The following UBE3D variants were observed in gnomAD, a reference collection of about 807,000 sequenced individuals.
UBE3D encodes the protein ubiquitin protein ligase E3D.
UBE3D carries 48 observed loss-of-function variants against 49.6 expected under a neutral mutation model. That is an observed-to-expected ratio of 0.97 (90% confidence interval 0.77 to 1.23). The LOEUF is 1.23. Among genes scored for constraint, UBE3D ranks in the 50% most tolerant of loss-of-function variants. The probability of loss-of-function intolerance (pLI) is 0.00; values close to 1 mark genes in which losing one functional copy is unlikely to be tolerated. For missense variants in UBE3D, 452 were observed against 468.4 expected (o/e 0.96, Z 0.32); for synonymous variants, 189 against 174.2 (o/e 1.08, Z -0.67).
At chr6:82,903,885 T>G (rs1481596825) in intron 9 of UBE3D, among the ~76,000 whole-genome samples, 1 of 152,146 alleles carries the variant, frequency 6.6e-6, no homozygotes, top group Non-Finnish European at 1.5e-5. Flanking sequence ...GAGGATGCTA[T>G]GTGATGTTTC....
intron 9 of UBE3D, among the ~76,000 whole-genome samples, chr6:82,939,378 C>T (rs293525): frequency 0.67 from 102,321 of 152,054 alleles, 34,922 homozygotes; most frequent in East Asian, 0.79. Context: ...CATACCACAT[C>T]GTCTATCGTG....
chr6:82,948,042 T>C (rs1775529398), intron 9 of UBE3D, among the ~76,000 whole-genome samples: 1 of 151,722 alleles, frequency 6.6e-6, no homozygotes, highest in African/African-American at 2.4e-5. Flanking sequence ...ATAAATGAAA[T>C]TGAAATGAAG....
At chr6:82,883,872 G>A in the UBE3D span, among the ~76,000 whole-genome samples, 1 of 152,238 alleles carries the variant, frequency 6.6e-6, no homozygotes, top group African/African-American at 2.4e-5. Flanking sequence ...TTAAATTTTA[G>A]TCCCAGGTTG....
At chr6:83,018,373 ACATCCTACTCC>A (rs1780841677) in intron 8 of UBE3D, 2 of 152,224 alleles carry the variant, frequency 1.3e-5, no homozygotes, top group South Asian at 4.1e-4. Flanking sequence ...ATATAAAATG[ACATCCTACTCC>A]CATCCTACCC....
chr6:82,903,597 T>TC (rs1477697347), intron 9 of UBE3D, among the ~76,000 whole-genome samples: 26 of 152,172 alleles, frequency 1.7e-4, no homozygotes, highest in African/African-American at 6.3e-4. Context: ...GGAATCAAAA[T>TC]GTAACCAGGT....
chr6:83,015,090 T>C (rs369002748), intron 8 of UBE3D, among the ~76,000 whole-genome samples: 2 of 152,224 alleles, frequency 1.3e-5, no homozygotes, highest in Non-Finnish European at 1.5e-5. Context: ...CACCTCGGGA[T>C]ACAATTATTC....
chr6:83,009,898 A>G (rs927969971), intron 8 of UBE3D, among the ~76,000 whole-genome samples: 5 of 151,444 alleles, frequency 3.3e-5, no homozygotes, highest in African/African-American at 1.2e-4. Context: ...ATCAAATAAT[A>G]CCCTATTTTT....
chr6:83,006,603 T>C (rs560395071), intron 8 of UBE3D, among the ~76,000 whole-genome samples: 2 of 152,304 alleles, frequency 1.3e-5, no homozygotes, highest in Admixed American at 6.5e-5. Flanking sequence ...CTTGGACTTT[T>C]ACCCTCTAAA....
chr6:83,020,346 T>G (rs1403959414), intron 7 of UBE3D, among the ~76,000 whole-genome samples: 8 of 138,902 alleles, frequency 5.8e-5, no homozygotes, highest in Non-Finnish European at 1.2e-4. Context: ...ATACTGTTTT[T>G]TTTTTTTTTT....
At chr6:83,035,613 C>T (rs1367501009) in intron 5 of UBE3D, among the ~76,000 whole-genome samples, 4 of 151,160 alleles carry the variant, frequency 2.6e-5, no homozygotes, top group Admixed American at 6.6e-5. Context: ...TATTAACTGC[C>T]TTTTTCCCTC....
intron 9 of UBE3D, among the ~76,000 whole-genome samples, chr6:82,926,858 T>C (rs1484286009): frequency 6.6e-6 from 1 of 152,124 alleles, no homozygotes; most frequent in Non-Finnish European, 1.5e-5. Context: ...TTTATTTTAA[T>C]GAAGTCCAGC....
At chr6:82,935,535 A>G (rs1175790468) in intron 9 of UBE3D, among the ~76,000 whole-genome samples, 3 of 152,200 alleles carry the variant, frequency 2.0e-5, no homozygotes, top group Non-Finnish European at 4.4e-5. Context: ...ATTTTATAGA[A>G]CTACTTAAAG....
chr6:83,027,757 A>G (rs919181553), intron 5 of UBE3D, among the ~76,000 whole-genome samples: 6 of 152,148 alleles, frequency 3.9e-5, no homozygotes, highest in African/African-American at 1.2e-4. Context: ...TTTTCTTGCT[A>G]GGGCTTTGCC....
chr6:82,894,098 C>T (rs534541586), intron 9 of UBE3D: 1 of 152,274 alleles, frequency 6.6e-6, no homozygotes, highest in Middle Eastern at 3.4e-3. Context: ...AAAATGTAAA[C>T]ATGGACAATT....
chr6:82,967,175 G>A (rs1322756023), intron 8 of UBE3D, among the ~76,000 whole-genome samples: 3 of 152,038 alleles, frequency 2.0e-5, no homozygotes, highest in African/African-American at 7.3e-5. Context: ...GATAATTGTA[G>A]AGTCACATGC....
At chr6:82,950,407 G>GT (rs1403857963) in intron 9 of UBE3D, among the ~76,000 whole-genome samples, 1 of 152,134 alleles carries the variant, frequency 6.6e-6, no homozygotes, top group East Asian at 1.9e-4. Flanking sequence ...CTCTTACACT[G>GT]TTGGTGGGAA....
chr6:82,943,500 G>A (rs1193201333), intron 9 of UBE3D, among the ~76,000 whole-genome samples: 1 of 152,124 alleles, frequency 6.6e-6, no homozygotes, highest in Non-Finnish European at 1.5e-5. Flanking sequence ...GCTGGGCATG[G>A]TGGCATGTAC....
intron 9 of UBE3D, among the ~76,000 whole-genome samples, chr6:82,952,089 A>AGGTATGT (rs1310937940): frequency 8.5e-5 from 13 of 152,312 alleles, no homozygotes; most frequent in Admixed American, 3.3e-4. Flanking sequence ...AGCACATGCA[A>AGGTATGT]GGGGCTGACA....
intron 9 of UBE3D, among the ~76,000 whole-genome samples, chr6:82,927,080 G>A (rs1437493063): frequency 6.6e-6 from 1 of 152,074 alleles, no homozygotes; most frequent in Non-Finnish European, 1.5e-5. Flanking sequence ...ATGTCCAGTT[G>A]TTCCAACATC....
Sources: gnomAD v4.1 joint callset for allele counts (sites outside exome capture counted in the v4.1 genomes callset) on GRCh38, gnomAD v4.1.1 for gene constraint, MANE v1.5 for transcripts, NCBI Gene and HGNC (gene_info 2026-07-23, HGNC 2026-07-21) for gene names.